CTNND2: variants seen among roughly 807,000 people sequenced by gnomAD.
CTNND2 encodes catenin delta-2.
CTNND2 carries 22 observed loss-of-function variants against 144.4 expected under a neutral mutation model. The ratio of observed to expected loss-of-function variants is 0.15; its 90% CI spans 0.11 to 0.22. The LOEUF (loss-of-function observed/expected upper bound fraction) is 0.22. Ranked by LOEUF, CTNND2 falls within the 10% of genes least tolerant of loss-of-function variation. The probability of loss-of-function intolerance (pLI) is 1.00; values close to 1 mark genes in which losing one functional copy is unlikely to be tolerated. For synonymous variants in CTNND2, 751 were observed against 695.6 expected (o/e 1.08, Z -1.25); for missense variants, 1,353 against 1,618.8 (o/e 0.84, Z 2.82).
At chr5:11,264,170 T>A (rs924140958) in intron 9 of CTNND2, among the ~76,000 whole-genome samples, 3 of 152,200 alleles carry the variant, frequency 2.0e-5, no homozygotes, top group African/African-American at 7.2e-5. Flanking sequence ...AGGAGAATTG[T>A]CAATTTTCCA....
chr5:11,100,871 C>A (rs1018034084), intron 14 of CTNND2, among the ~76,000 whole-genome samples: 1 of 152,152 alleles, frequency 6.6e-6, no homozygotes, highest in Admixed American at 6.5e-5. Flanking sequence ...GCCATGTTAT[C>A]TTTTGCTGGG....
At chr5:11,696,861 G>C (rs577959166) in intron 2 of CTNND2, among the ~76,000 whole-genome samples, 2 of 152,318 alleles carry the variant, frequency 1.3e-5, no homozygotes, top group East Asian at 3.9e-4. Context: ...TGATTTCACA[G>C]ATAGCTGGAT....
chr5:11,701,904 G>T (rs1045130542), intron 2 of CTNND2, among the ~76,000 whole-genome samples: 1 of 152,162 alleles, frequency 6.6e-6, no homozygotes, highest in Non-Finnish European at 1.5e-5. Flanking sequence ...TCGAGTCAAC[G>T]GAAGTTTAAA....
At chr5:11,353,311 G>C (rs1406335809) in intron 8 of CTNND2, among the ~76,000 whole-genome samples, 1 of 152,164 alleles carries the variant, frequency 6.6e-6, no homozygotes, top group Non-Finnish European at 1.5e-5. Context: ...CTGAAATGTA[G>C]CAGTGGACTC....
intron 1 of CTNND2, among the ~76,000 whole-genome samples, chr5:11,867,613 ATTAG>A (rs1270747649): frequency 6.6e-6 from 1 of 150,972 alleles, no homozygotes; most frequent in Non-Finnish European, 1.5e-5. Flanking sequence ...CAGTTTTGCC[ATTAG>A]TTATAGATAC....
chr5:11,683,727 A>G (rs1195546573), intron 2 of CTNND2, among the ~76,000 whole-genome samples: 1 of 152,234 alleles, frequency 6.6e-6, no homozygotes, highest in African/African-American at 2.4e-5. Flanking sequence ...TCTCTCCTTC[A>G]AAAAGCCACT....
chr5:11,258,237 C>G (rs1296400044), intron 9 of CTNND2, among the ~76,000 whole-genome samples: 1 of 152,162 alleles, frequency 6.6e-6, no homozygotes, highest in Non-Finnish European at 1.5e-5. Context: ...GTCCACAGGC[C>G]AGGGAGGCAG....
At chr5:11,019,054 A>G (rs1254367141) in intron 17 of CTNND2, among the ~76,000 whole-genome samples, 2 of 152,204 alleles carry the variant, frequency 1.3e-5, no homozygotes, top group African/African-American at 4.8e-5. Context: ...AAGCTACAGG[A>G]GAAAAGTTTA....
intron 1 of CTNND2, among the ~76,000 whole-genome samples, chr5:11,849,742 T>TG (rs1396828766): frequency 6.6e-6 from 1 of 152,196 alleles, no homozygotes; most frequent in Non-Finnish European, 1.5e-5. Context: ...ATGATTCTCA[T>TG]GGCCTTTTGT....
intron 9 of CTNND2, among the ~76,000 whole-genome samples, chr5:11,249,193 G>A (rs1168974255): frequency 6.6e-6 from 1 of 152,158 alleles, no homozygotes; most frequent in Admixed American, 6.5e-5. Flanking sequence ...TTCCTGATAG[G>A]CCATGTGGTG....
chr5:11,375,184 A>G (rs1757818282), intron 7 of CTNND2, among the ~76,000 whole-genome samples: 3 of 152,120 alleles, frequency 2.0e-5, no homozygotes, highest in Admixed American at 2.0e-4. Flanking sequence ...CTAAAATACA[A>G]ACTGAAAATG....
intron 3 of CTNND2, among the ~76,000 whole-genome samples, chr5:11,517,894 T>C (rs1030559766): frequency 1.3e-5 from 2 of 152,238 alleles, no homozygotes; most frequent in African/African-American, 2.4e-5. Flanking sequence ...TTATTAACTA[T>C]AGTCATCATG....
intron 10 of CTNND2, among the ~76,000 whole-genome samples, chr5:11,223,273 T>G (rs1182928382): frequency 6.6e-6 from 1 of 152,194 alleles, no homozygotes; most frequent in Admixed American, 6.5e-5. Context: ...GAAGGGACCT[T>G]TAAGCATAAA....
At chr5:11,140,394 T>C (rs1756611005) in intron 12 of CTNND2, among the ~76,000 whole-genome samples, 1 of 152,204 alleles carries the variant, frequency 6.6e-6, no homozygotes, top group Non-Finnish European at 1.5e-5. Flanking sequence ...GGTCAATTTA[T>C]TGGTCTTCTA....
chr5:11,479,721 G>T (rs1768070265), intron 3 of CTNND2, among the ~76,000 whole-genome samples: 1 of 150,990 alleles, frequency 6.6e-6, no homozygotes, highest in South Asian at 2.1e-4. Context: ...ATCTCACTGG[G>T]GTTTTGATTT....
intron 1 of CTNND2, among the ~76,000 whole-genome samples, chr5:11,762,065 T>C (rs1789297795): frequency 6.6e-6 from 1 of 152,172 alleles, no homozygotes; most frequent in Admixed American, 6.5e-5. Context: ...TCTAGAAAAT[T>C]AAATGCACCT....
At position 11,105,075 on chromosome 5, in the gene CTNND2, T is replaced by C. The variant is rs535795619; in HGVS notation, c.2463+5783A>G. Among the ~76,000 whole-genome samples the C allele has an allele frequency of 3.9e-5, 6 of 152,286 alleles. No homozygotes were observed. In the East Asian group the frequency reaches 9.7e-4, roughly 25 times the overall value. On this transcript the variant is annotated intron_variant, in intron 14 of 21. Transcript: ENST00000304623. Reference sequence around the variant, plus strand: ...GAAGACAGCTGTCAAGGCTGCTCCATATGACTGGGCCTGCCTGTCCCTTCC... The same window carrying C: ...GAAGACAGCTGTCAAGGCTGCTCCACATGACTGGGCCTGCCTGTCCCTTCC...
chr5:10,985,110 A>G lies in CTNND2; in HGVS notation c.3343+3001T>C, dbSNP rs140762351. ...AATAAATAAATAAATAAATAAATAA[A>G]TACATAAATAAATGGCATAAGAAAG... On this transcript the variant is annotated intron_variant, in intron 20 of 21. Coordinates refer to ENST00000304623, the MANE Select transcript of CTNND2 (RefSeq NM_001332.4). 4.5e-3 allele frequency among the ~76,000 whole-genome samples: 690 copies of G among 151,864 alleles called. 6 individuals carry two copies. Among genetic ancestry groups the G allele is most frequent in the African/African-American group, 0.016 (668 of 41,446 alleles).
At chr5:11,357,666 A>T (rs959754345) in intron 8 of CTNND2, among the ~76,000 whole-genome samples, 4 of 152,108 alleles carry the variant, frequency 2.6e-5, no homozygotes, top group African/African-American at 9.7e-5. Context: ...ATTACAGAAT[A>T]GCTAGAAGAG....
Sources: gnomAD v4.1 joint callset for allele counts (sites outside exome capture counted in the v4.1 genomes callset) on GRCh38, gnomAD v4.1.1 for gene constraint, MANE v1.5 for transcripts, NCBI Gene and HGNC (gene_info 2026-07-23, HGNC 2026-07-21) for gene names.